The following SLC41A3 variants were observed in gnomAD, a reference collection of about 807,000 sequenced individuals.
The protein encoded by SLC41A3 is solute carrier family 41 member 3.
In SLC41A3, 44 loss-of-function variants were observed where a neutral mutation model predicts 45.4. The observed-to-expected ratio is 0.97, with a 90% CI of 0.76 to 1.25. The LOEUF (loss-of-function observed/expected upper bound fraction) is 1.25. Among genes scored for constraint, SLC41A3 ranks in the 50% most tolerant of loss-of-function variants. The pLI is 0.00. For synonymous variants in SLC41A3, 256 were observed against 252.4 expected (o/e 1.01, Z -0.13); for missense variants, 550 against 600.6 (o/e 0.92, Z 0.88).
chr3:126,021,910 G>T (rs1377629638), intron 6 of SLC41A3, among the ~76,000 whole-genome samples: 2 of 152,182 alleles, frequency 1.3e-5, no homozygotes, highest in Non-Finnish European at 2.9e-5. Flanking sequence ...ATAAGCTATG[G>T]ATTGGCTATA....
chr3:126,048,814 C>CCCTGG (rs1943133336), intron 3 of SLC41A3, among the ~76,000 whole-genome samples: 1 of 152,108 alleles, frequency 6.6e-6, no homozygotes, highest in African/African-American at 2.4e-5. Flanking sequence ...TTCTGTGTCT[C>CCCTGG]AACTAGGGTC....
rs951989340 is a variant in SLC41A3 at position 126,040,779 on chromosome 3, G to C, written c.382-7101C>G. On this transcript the variant is annotated intron_variant, in intron 3 of 10. Transcript: ENST00000360370. ...TGCCCTCCCTCCAATCTTTAGATTG[G>C]AGCCTCCTCTAAGGGCAGTATTCAC... Among the ~76,000 whole-genome samples the C allele has an allele frequency of 2.0e-5, 3 of 152,242 alleles. No individual in the cohort carries two copies. In the East Asian group the frequency reaches 5.8e-4, roughly 29 times the overall value.
chr3:126,098,817 T>C (rs1368857927), intron 1 of SLC41A3, among the ~76,000 whole-genome samples: 1 of 151,954 alleles, frequency 6.6e-6, no homozygotes, highest in African/African-American at 2.4e-5. Context: ...GCCTCCATTT[T>C]CCCCTCCACT....
At chr3:126,084,663 C>T (rs904420686), upstream of SLC41A3, among the ~76,000 whole-genome samples, 4 of 152,124 alleles carry the variant, frequency 2.6e-5, no homozygotes, top group Non-Finnish European at 5.9e-5. Flanking sequence ...TAAACATTCT[C>T]ATAGTATTAC....
intron 3 of SLC41A3, among the ~76,000 whole-genome samples, chr3:126,048,837 G>A (rs1007940218): frequency 5.9e-5 from 9 of 152,034 alleles, no homozygotes; most frequent in African/African-American, 2.2e-4. Flanking sequence ...AGCTACACAG[G>A]TGTATGTATT....
intron 1 of SLC41A3, among the ~76,000 whole-genome samples, chr3:126,101,236 A>G (rs1272653405): frequency 6.6e-6 from 1 of 152,250 alleles, no homozygotes; most frequent in East Asian, 1.9e-4. Context: ...TGGAAACCGC[A>G]CAGATCATTT....
chr3:126,080,170 T>C (rs1245635573), intron 1 of SLC41A3, among the ~76,000 whole-genome samples: 1 of 152,168 alleles, frequency 6.6e-6, no homozygotes, highest in Non-Finnish European at 1.5e-5. Context: ...ACTTTTTGTG[T>C]AAGACCTCAA....
chr3:126,067,841 G>T, intron 2 of SLC41A3, 106 bp downstream of exon 2: 2 of 1,420,000 alleles, frequency 1.4e-6, no homozygotes, highest in Non-Finnish European at 1.9e-6. Context: ...GGCTTTTCAA[G>T]AGGACTGCCC....
chr3:126,044,566 C>T (rs1184934695), intron 3 of SLC41A3, among the ~76,000 whole-genome samples: 1 of 152,114 alleles, frequency 6.6e-6, no homozygotes, highest in Non-Finnish European at 1.5e-5. Flanking sequence ...GTATATTAGG[C>T]CATGAAACCA....
upstream of SLC41A3, among the ~76,000 whole-genome samples, chr3:126,088,332 A>T (rs1169713992): frequency 1.3e-5 from 2 of 152,168 alleles, no homozygotes; most frequent in East Asian, 3.8e-4. Context: ...ATGACTTTTA[A>T]TTCACATGAT....
At chr3:126,099,021 C>T (rs1005715893) in intron 1 of SLC41A3, among the ~76,000 whole-genome samples, 1 of 151,004 alleles carries the variant, frequency 6.6e-6, no homozygotes, top group Non-Finnish European at 1.5e-5. Flanking sequence ...CCCGCCTCAG[C>T]CTCCCAAAGT....
At chr3:126,015,606 A>G (rs756652688) in intron 7 of SLC41A3, 33 bp from the exon 8 acceptor site, 10 of 1,608,206 alleles carry the variant, frequency 6.2e-6, no homozygotes, top group Non-Finnish European at 8.5e-6. Context: ...TCAAGTTATC[A>G]GAGTTTACAC....
chr3:126,076,508 T>C (rs1398875094), intron 1 of SLC41A3, among the ~76,000 whole-genome samples: 3 of 152,232 alleles, frequency 2.0e-5, no homozygotes, highest in African/African-American at 7.2e-5. Context: ...TTTTCTGTTC[T>C]ACTGAACTGT....
At chr3:126,050,425 T>A (rs1383651950) in intron 3 of SLC41A3, among the ~76,000 whole-genome samples, 1 of 152,128 alleles carries the variant, frequency 6.6e-6, no homozygotes, top group Non-Finnish European at 1.5e-5. Flanking sequence ...TGAGAAGAGC[T>A]GGTAAAGCTA....
chr3:126,066,366 C>T (rs1410801927), intron 2 of SLC41A3, among the ~76,000 whole-genome samples: 4 of 152,144 alleles, frequency 2.6e-5, no homozygotes, highest in Non-Finnish European at 4.4e-5. Flanking sequence ...GGATTCTTTA[C>T]CCACAGTAAC....
rs369976658 is a variant in SLC41A3 at position 126,008,190 on chromosome 3, C to T, written c.1254+542G>A. 7.2e-5 allele frequency among the ~76,000 whole-genome samples: 11 copies of T among 152,276 alleles called. No individual in the cohort carries two copies. The South Asian group carries it at 1.2e-3, about 17-fold the overall frequency. ...GCGCAGTGTGTGGCATGTTGTGTGC[C>T]GTGTCTAGCATGCAGTACATAATGT... On this transcript the variant is annotated intron_variant, in intron 10 of 10. Transcript: ENST00000360370.
At chr3:126,012,770 T>C (rs1939855790) in intron 8 of SLC41A3, 21 bp from the exon 9 acceptor site, 1 of 1,613,754 alleles carries the variant, frequency 6.2e-7, no homozygotes, top group Non-Finnish European at 8.5e-7. Flanking sequence ...AAAAGGAATC[T>C]GTTTTCCCTT....
chr3:126,020,184 C>A (rs567497730), intron 6 of SLC41A3, among the ~76,000 whole-genome samples: 44 of 152,216 alleles, frequency 2.9e-4, no homozygotes, highest in Non-Finnish European at 5.3e-4. Context: ...CTGGGATGGC[C>A]AAGGAGCGCT....
upstream of SLC41A3, among the ~76,000 whole-genome samples, chr3:126,087,806 G>T (rs963047982): frequency 2.7e-5 from 4 of 149,252 alleles, no homozygotes; most frequent in Admixed American, 6.6e-5. Context: ...AAAAAAAAAA[G>T]ATTGTATAAT....
Sources: allele counts gnomAD v4.1 joint callset (sites outside exome capture counted in the v4.1 genomes callset), GRCh38; gene constraint gnomAD v4.1.1; transcripts MANE v1.5; gene names NCBI Gene and HGNC (gene_info 2026-07-23, HGNC 2026-07-21).